PRAM1: variants seen among roughly 807,000 people sequenced by gnomAD.
PRAM1 encodes the protein PML-RARA regulated adaptor molecule 1.
PRAM1 carries 41 observed loss-of-function variants against 55.3 expected under a neutral mutation model. The ratio of observed to expected loss-of-function variants is 0.74; its 90% CI spans 0.58 to 0.96. The LOEUF (loss-of-function observed/expected upper bound fraction) is 0.96. Among genes scored for constraint, PRAM1 ranks in the 40% least tolerant of loss-of-function variants. The pLI is 0.00. For synonymous variants in PRAM1, 401 were observed against 387.1 expected (o/e 1.04, Z -0.42); for missense variants, 898 against 892.7 (o/e 1.01, Z -0.08).
rs78439225 is a variant in PRAM1 at position 8,494,096 on chromosome 19, C to T, written c.1577-2939G>A. On this transcript the variant is annotated intron_variant, in intron 4 of 9. Coordinates refer to ENST00000423345, the MANE Select transcript of PRAM1 (RefSeq NM_032152.5). ...TTTAGGCATGAGCCACCGCGCCCGG[C>T]CCCTTTTTTCTTTTTTCCTATCAGA... Among the ~76,000 whole-genome samples, 5 of 152,204 alleles carry T rather than the reference C, an allele frequency of 3.3e-5. No individual in the cohort carries two copies. In the East Asian group the frequency reaches 7.7e-4, roughly 23 times the overall value.
chr19:8,491,897 C>T (rs1971634713), intron 4 of PRAM1: 1 of 152,506 alleles, frequency 6.6e-6, no homozygotes, highest in Non-Finnish European at 1.5e-5. Context: ...GAGGCCATTT[C>T]ACTTCTGCCT....
At chr19:8,492,553 G>A (rs1269956079) in intron 4 of PRAM1, among the ~76,000 whole-genome samples, 3 of 151,674 alleles carry the variant, frequency 2.0e-5, no homozygotes, top group Admixed American at 1.3e-4. Flanking sequence ...CACTGCACCC[G>A]GTAGGTTCTG....
chr19:8,502,314 G>A (rs977438318), intron 1 of PRAM1, among the ~76,000 whole-genome samples: 1 of 152,006 alleles, frequency 6.6e-6, no homozygotes, highest in African/African-American at 2.4e-5. Flanking sequence ...TTGTCCCCCC[G>A]GGGAGTCCCA....
Position 8,493,829 on chromosome 19 carries a change from G to C in PRAM1, c.1577-2672C>G, listed in dbSNP as rs552512295. ...TCTTTTTTTCTTGAGACAGGGTCTC[G>C]TTCTGTTGCCCAGGCTGGAGTGCAG... On this transcript the variant is annotated intron_variant, in intron 4 of 9. Coordinates refer to ENST00000423345, the MANE Select transcript of PRAM1 (RefSeq NM_032152.5). The surrounding 1 kb of genome is among the most constrained non-coding windows in gnomAD (Gnocchi z 4.1). Among the ~76,000 whole-genome samples the C allele has an allele frequency of 6.6e-6, 1 of 151,464 alleles. No homozygotes were observed. The highest frequency in any genetic ancestry group is 1.5e-5 in the Non-Finnish European group (1 of 67,922).
chr19:8,499,106 A>G lies in PRAM1; in HGVS notation c.702T>C (p.Gly234=), dbSNP rs780777812. The part of the protein sequence containing the change: ...YPKKPPQPQV[G]GLPKKSVPQP... ...GCGGCACGGACTTCTTAGGGAGGCC[A>G]CCGACCTGAGGCTGCGGAGGCTTTT... Residue 234 remains glycine (G), a synonymous_variant, in exon 2 of 10, where the codon GGT becomes GGC. Transcript: ENST00000423345. The G allele has an allele frequency of 1.2e-6, 2 of 1,612,458 alleles. No individual in the cohort carries two copies. Among genetic ancestry groups the G allele is most frequent in the South Asian group, 2.2e-5 (2 of 91,014 alleles).
At position 8,498,982 on chromosome 19, in the gene PRAM1, G is replaced by A; in HGVS notation, c.826C>T (p.Pro276Ser). The change falls in exon 2 of 10, where the codon CCT becomes TCT. Residue 276 changes from proline to serine, a missense_variant. This residue lies in a region of PRAM1 where 787 missense variants were observed against 735.4 expected (regional missense o/e 1.07). Coordinates refer to ENST00000423345, the MANE Select transcript of PRAM1 (RefSeq NM_032152.5). ...SSAFPKKASQ[P>S]PLSDFPKKPP... ...TTCTTGGGAAAGTCACTCAGCGGAG[G>A]CTGGGAGGCCTTTTTGGGAAAGGCG... 3 of 1,613,976 alleles carry A rather than the reference G, an allele frequency of 1.9e-6. No homozygotes were observed. Among genetic ancestry groups the A allele is most frequent in the Non-Finnish European group, 2.5e-6 (3 of 1,179,878 alleles).
chr19:8,497,451 G>C (rs2145791422), intron 4 of PRAM1, among the ~76,000 whole-genome samples: 1 of 152,202 alleles, frequency 6.6e-6, no homozygotes, highest in South Asian at 2.1e-4. Flanking sequence ...CCTGGGATTG[G>C]CTCAAACGAT....
Position 8,490,498 on chromosome 19 carries a change from G to C in PRAM1, c.1918C>G (p.Pro640Ala). 6.2e-7 allele frequency: 1 copy of C among 1,611,980 alleles called. No homozygotes were observed. The highest frequency in any genetic ancestry group is 8.5e-7 in the Non-Finnish European group (1 of 1,179,198). ...RDPKGKYGYV[P>A]RTALLPLETE... ...CACAGGGGCAGGAGCGCTGTTCTGG[G>C]CACGTAGCCATCTGTGGAGAGAGTG... The change falls in exon 8 of 10, where the codon CCC becomes GCC. Residue 640 changes from proline to alanine, a missense_variant. Physicochemically the swap from Pro to Ala is conservative, Grantham distance 27. Around this residue, in one of 4 missense-constraint regions of PRAM1, gnomAD observed 787 missense variants for 735.4 expected, o/e 1.07. Coordinates refer to ENST00000423345, the MANE Select transcript of PRAM1 (RefSeq NM_032152.5). The surrounding 1 kb of genome is among the most constrained non-coding windows in gnomAD (Gnocchi z 7.3).
intron 4 of PRAM1, 57 bp from the exon 5 acceptor site, chr19:8,491,214 T>C: frequency 1.3e-6 from 2 of 1,525,648 alleles, no homozygotes; most frequent in East Asian, 2.3e-5. Context: ...GCCTTTACCC[T>C]GGTAGCTGTT....
In PRAM1 at chr19:8,490,450, C is replaced by T. The variant is rs1284588127; in HGVS notation, c.1940+26G>A. ...CCTGCACCACACACCCCGCACTCCCCCACCACGGTCAGGGCTGGCACTCAC... is the reference window on the plus strand; with the variant it reads ...CCTGCACCACACACCCCGCACTCCCTCACCACGGTCAGGGCTGGCACTCAC... On this transcript the variant is annotated intron_variant, in intron 8 of 9. Transcript: ENST00000423345. This position sits in a 1 kb window ranked among gnomAD's most constrained non-coding sequence, Gnocchi z 7.3. 6.2e-7 allele frequency: 1 copy of T among 1,613,146 alleles called. No individual in the cohort carries two copies. Among genetic ancestry groups the T allele is most frequent in the East Asian group, 2.2e-5 (1 of 44,848 alleles).
Position 8,490,727 on chromosome 19 carries a change from C to G in PRAM1, c.1773G>C (p.Lys591Asn). The change falls in exon 7 of 10, where the codon AAG becomes AAC. Residue 591 changes from lysine to asparagine, a missense_variant. Physicochemically the swap from Lys to Asn is moderately conservative, Grantham distance 94 (BLOSUM62 0). Transcript: ENST00000423345. The surrounding 1 kb of genome is among the most constrained non-coding windows in gnomAD (Gnocchi z 7.3). ...TCTTAGCGTTGGGGTCGATCATCAT[C>G]TTCGTGTGAACCACGATCTCCCCTT... ...KFEGEIVVHTKMMIDPNAKTR... is the reference protein window; with the variant it reads ...KFEGEIVVHTNMMIDPNAKTR... The G allele has an allele frequency of 6.2e-7, 1 of 1,611,222 alleles. No homozygotes were observed. Among genetic ancestry groups the G allele is most frequent in the Middle Eastern group, 1.6e-4 (1 of 6,062 alleles).
Position 8,498,274 on chromosome 19 carries a change from C to G in PRAM1, c.1448G>C (p.Arg483Pro), listed in dbSNP as rs1245130996. The stretch of plus-strand genomic sequence containing the variant: ...CTGGAAGTGGAGCCCAGCGGCCGAG[C>G]GGGTCCTCCGTAGATCTGTGGGGTA... ...SAASIDLRRT[R>P]SAAGLHFQDR... Residue 483 changes from arginine to proline, a missense_variant, in exon 3 of 10, where the codon CGC becomes CCC. Physicochemically the swap from Arg to Pro is moderately radical, Grantham distance 103. Transcript: ENST00000423345. 1 of 1,612,170 alleles carries G rather than the reference C, an allele frequency of 6.2e-7. No homozygotes were observed. The highest frequency in any genetic ancestry group is 1.7e-5 in the Admixed American group (1 of 59,884).
chr19:8,492,680 C>T (rs1390949667), intron 4 of PRAM1, among the ~76,000 whole-genome samples: 1 of 152,108 alleles, frequency 6.6e-6, no homozygotes, highest in East Asian at 1.9e-4. Flanking sequence ...TTCCATTGCA[C>T]AGGAGGGCAA....
chr19:8,492,601 G>T (rs1971645226), intron 4 of PRAM1, among the ~76,000 whole-genome samples: 1 of 152,158 alleles, frequency 6.6e-6, no homozygotes, highest in Non-Finnish European at 1.5e-5. Flanking sequence ...AAAAACTAAG[G>T]CAGAAGGGAG....
intron 1 of PRAM1, among the ~76,000 whole-genome samples, chr19:8,501,665 C>T (rs900862315): frequency 6.6e-6 from 1 of 152,096 alleles, no homozygotes; most frequent in Admixed American, 6.6e-5. Flanking sequence ...AATATTCAGG[C>T]AGCACAAAGA....
At position 8,502,557 on chromosome 19, in the gene PRAM1, G is replaced by A. The variant is rs1341732181; in HGVS notation, c.27+8C>T. 2 of 1,502,898 alleles carry A rather than the reference G, an allele frequency of 1.3e-6. No homozygotes were observed. Among genetic ancestry groups the A allele is most frequent in the Admixed American group, 2.0e-5 (1 of 48,854 alleles). 93.1% of individuals were successfully genotyped at this position (1,502,898 alleles called of 1,614,324 possible). A position where few individuals can be genotyped will look rare whatever the true frequency, so the allele number is the denominator to read the frequency against. On this transcript the variant is annotated splice_region_variant and intron_variant, in intron 1 of 9. Coordinates refer to ENST00000423345, the MANE Select transcript of PRAM1 (RefSeq NM_032152.5). ...GCCAGTGAGGCACAGGCCTCTTCCA[G>A]CACTCACCATGGCTGCAGGCAGGTG...
chr19:8,502,618 C>T lies in PRAM1; in HGVS notation c.-27G>A, dbSNP rs1159923983. The T allele has an allele frequency of 9.0e-6, 14 of 1,546,982 alleles. No homozygotes were observed. Among genetic ancestry groups the T allele is most frequent in the East Asian group, 2.4e-5 (1 of 40,864 alleles). On this transcript the variant is annotated 5_prime_UTR_variant, in exon 1 of 10. Coordinates refer to ENST00000423345, the MANE Select transcript of PRAM1 (RefSeq NM_032152.5). ...GGATGAGTGGGACCCGAGCTGGGGC[C>T]GCTGCCTTCAGGAAGTGACTGTGGC...
rs562384789 is a variant in PRAM1, at chr19:8,492,375, G to A, written c.1577-1218C>T. On this transcript the variant is annotated intron_variant, in intron 4 of 9. Coordinates refer to ENST00000423345, the MANE Select transcript of PRAM1 (RefSeq NM_032152.5). ...GGGTTCAAGCGATTCTCCTGCCTCA[G>A]CATCCTGAGTAGCTGGGATTATAAG... Among the ~76,000 whole-genome samples, 6 of 152,064 alleles carry A rather than the reference G, an allele frequency of 3.9e-5. No homozygotes were observed. In the South Asian group the frequency reaches 1.2e-3, roughly 32 times the overall value.
At chr19:8,500,437 C>A (rs542660924) in intron 1 of PRAM1, among the ~76,000 whole-genome samples, 1 of 152,184 alleles carries the variant, frequency 6.6e-6, no homozygotes, top group African/African-American at 2.4e-5. Context: ...CTGCCTACCC[C>A]CTTCCCTGGT....
Sources: gnomAD v4.1 joint callset for allele counts (sites outside exome capture counted in the v4.1 genomes callset) on GRCh38, gnomAD v4.1.1 for gene constraint, gnomAD v4.1.1 regional missense constraint, Gnocchi (gnomAD v3.1) non-coding constraint, MANE v1.5 for transcripts, NCBI Gene and HGNC (gene_info 2026-07-23, HGNC 2026-07-21) for gene names.